The following SYN3 variants were observed in gnomAD, a reference collection of about 807,000 sequenced individuals.
The protein encoded by SYN3 is synapsin III.
Under a neutral mutation model 65.8 loss-of-function variants are expected in SYN3, and 35 were observed. The ratio of observed to expected loss-of-function variants is 0.53; its 90% CI spans 0.41 to 0.70. SYN3 has a LOEUF of 0.70. SYN3 is among the 30% of genes least tolerant of loss of function. SYN3 has a pLI of 0.00. For synonymous variants in SYN3, 270 were observed against 292.9 expected (o/e 0.92, Z 0.80); for missense variants, 680 against 749.0 (o/e 0.91, Z 1.08).
intron 4 of SYN3, among the ~76,000 whole-genome samples, chr22:32,915,453 A>G (rs1207230988): frequency 1.3e-5 from 2 of 151,958 alleles, no homozygotes; most frequent in African/African-American, 2.4e-5. Flanking sequence ...GGGCTGTTAA[A>G]AAATAAAGCA....
intron 7 of SYN3, among the ~76,000 whole-genome samples, chr22:32,590,079 C>A (rs1220464533): frequency 6.6e-6 from 1 of 151,960 alleles, no homozygotes; most frequent in Non-Finnish European, 1.5e-5. Context: ...AAGCAAATAC[C>A]CACATAACCA....
At chr22:32,720,384 T>G (rs1177464568) in intron 6 of SYN3, among the ~76,000 whole-genome samples, 2 of 152,116 alleles carry the variant, frequency 1.3e-5, no homozygotes, top group Admixed American at 6.5e-5. Flanking sequence ...TGCCATGAGG[T>G]TGATGTTATT....
At chr22:32,709,701 T>C (rs1354998063) in intron 6 of SYN3, among the ~76,000 whole-genome samples, 1 of 152,166 alleles carries the variant, frequency 6.6e-6, no homozygotes, top group Admixed American at 6.5e-5. Flanking sequence ...TTTTTCTTTT[T>C]TTTTCCCCCA....
At chr22:32,574,203 G>A (rs2058820117) in intron 7 of SYN3, among the ~76,000 whole-genome samples, 2 of 151,998 alleles carry the variant, frequency 1.3e-5, no homozygotes, top group Non-Finnish European at 2.9e-5. Context: ...ATCGTGAGCC[G>A]GGTACAGTGG....
At chr22:32,890,391 T>C (rs1425502211) in intron 4 of SYN3, among the ~76,000 whole-genome samples, 1 of 151,934 alleles carries the variant, frequency 6.6e-6, no homozygotes, top group Non-Finnish European at 1.5e-5. Flanking sequence ...AGCACCTTTT[T>C]TTTATTTGAG....
chr22:32,578,659 T>C (rs1484091422), intron 7 of SYN3, among the ~76,000 whole-genome samples: 2 of 152,204 alleles, frequency 1.3e-5, no homozygotes, highest in Non-Finnish European at 2.9e-5. Flanking sequence ...GATATCACAA[T>C]TCCTTGAACA....
intron 4 of SYN3, among the ~76,000 whole-genome samples, chr22:32,912,024 T>A (rs552613819): frequency 6.6e-6 from 1 of 152,344 alleles, no homozygotes; most frequent in South Asian, 2.1e-4. Flanking sequence ...CTCACATTTA[T>A]AAGATGTAGC....
In SYN3 at chr22:32,860,914, T is replaced by TG. The variant is rs980332256; in HGVS notation, c.711+4000_711+4001insC. The TG allele has an allele frequency of 3.7e-4, 10 of 27,226 alleles. No homozygotes were observed. The African/African-American group carries it at 5.1e-3, about 14-fold the overall frequency. 1.7% of individuals were successfully genotyped at this position (27,226 alleles called of 1,614,324 possible). A position where few individuals can be genotyped will look rare whatever the true frequency, so the allele number is the denominator to read the frequency against. On this transcript the variant is annotated intron_variant, in intron 6 of 13. Coordinates refer to ENST00000358763, the MANE Select transcript of SYN3 (RefSeq NM_003490.4). ...AACCAGTTGTAGGGTTTCTGTTGTGTTTTTTTTTTTTTTTTTGAAATAAAA... is the reference window on the plus strand; with the variant it reads ...AACCAGTTGTAGGGTTTCTGTTGTGTGTTTTTTTTTTTTTTTTGAAATAAAA...
chr22:32,627,622 A>AGTG (rs2059686713), intron 6 of SYN3, among the ~76,000 whole-genome samples: 3 of 152,086 alleles, frequency 2.0e-5, no homozygotes, highest in African/African-American at 7.2e-5. Flanking sequence ...TCATACACAC[A>AGTG]TGTAGGAGTA....
chr22:32,508,530 C>G lies in SYN3; in HGVS notation c.*5162G>C, dbSNP rs1473562830. Among the ~76,000 whole-genome samples the G allele has an allele frequency of 2.0e-5, 3 of 152,116 alleles. No individual in the cohort carries two copies. Among genetic ancestry groups the G allele is most frequent in the Non-Finnish European group, 4.4e-5 (3 of 68,016 alleles). ...GGGCCCCAAGGAGAGGTCTCATGTT[C>G]TCATTCTGCCTCCTCCCATTCCTCT... is the stretch of plus-strand genomic sequence containing the variant. On this transcript the variant is annotated 3_prime_UTR_variant, in exon 14 of 14. Transcript: ENST00000358763.
rs147311800 is a variant in SYN3 at position 32,822,458 on chromosome 22, T to G, written c.711+42457A>C. ...ACAGGCCACTAAGAGGAAAGGCAACTGGTGTGACGTCTGGGGAGGGAAGTA... is the reference window on the plus strand; with the variant it reads ...ACAGGCCACTAAGAGGAAAGGCAACGGGTGTGACGTCTGGGGAGGGAAGTA... On this transcript the variant is annotated intron_variant, in intron 6 of 13. Coordinates refer to ENST00000358763, the MANE Select transcript of SYN3 (RefSeq NM_003490.4). Among the ~76,000 whole-genome samples, 5 of 152,280 alleles carry G rather than the reference T, an allele frequency of 3.3e-5. No individual in the cohort carries two copies. In the East Asian group the frequency reaches 9.6e-4, roughly 29 times the overall value.
intron 6 of SYN3, among the ~76,000 whole-genome samples, chr22:32,768,429 T>G (rs932583538): frequency 6.6e-6 from 1 of 152,210 alleles, no homozygotes; most frequent in Non-Finnish European, 1.5e-5. Context: ...TCTCTTTATA[T>G]TTCTTTCCTG....
chr22:32,640,143 A>C (rs1259719161), intron 6 of SYN3, among the ~76,000 whole-genome samples: 1 of 152,142 alleles, frequency 6.6e-6, no homozygotes, highest in Non-Finnish European at 1.5e-5. Context: ...TACTGTCTTC[A>C]AGTCTCCACT....
chr22:32,928,886 C>A (rs715621), intron 4 of SYN3, among the ~76,000 whole-genome samples: 18,925 of 152,106 alleles, frequency 0.12, 1,513 homozygotes, highest in South Asian at 0.28. Context: ...TCAGCTGTAC[C>A]TTTCATTTCA....
chr22:32,610,605 A>G (rs1367792613), intron 6 of SYN3, among the ~76,000 whole-genome samples: 1 of 148,464 alleles, frequency 6.7e-6, no homozygotes, highest in Non-Finnish European at 1.5e-5. Context: ...GTTTTGAGAC[A>G]ACGTTTTGCT....
chr22:32,714,080 G>T lies in SYN3; in HGVS notation c.712-117344C>A, dbSNP rs149811483. 1.1e-4 allele frequency among the ~76,000 whole-genome samples: 16 copies of T among 152,258 alleles called. No homozygotes were observed. In the East Asian group the frequency reaches 3.1e-3, roughly 29 times the overall value. On this transcript the variant is annotated intron_variant, in intron 6 of 13. Transcript: ENST00000358763. Reference sequence around the variant, plus strand: ...GACAATGGTCTCCTTGCAAGGGGGAGCATCTTTTCCTGAATGCCTTTAGCT... The same window carrying T: ...GACAATGGTCTCCTTGCAAGGGGGATCATCTTTTCCTGAATGCCTTTAGCT...
At chr22:33,054,454 G>A (rs1008689689) in intron 1 of SYN3, among the ~76,000 whole-genome samples, 3 of 152,096 alleles carry the variant, frequency 2.0e-5, no homozygotes, top group East Asian at 1.9e-4. Context: ...CTAACAATGC[G>A]TGGCATTTAC....
chr22:32,889,329 G>C (rs967138722), intron 4 of SYN3, among the ~76,000 whole-genome samples: 1 of 152,018 alleles, frequency 6.6e-6, no homozygotes, highest in Admixed American at 6.6e-5. Context: ...CTTGCTTCAG[G>C]GGGGCTTTGG....
At chr22:32,912,783 T>C (rs2050085917) in intron 4 of SYN3, among the ~76,000 whole-genome samples, 1 of 152,046 alleles carries the variant, frequency 6.6e-6, no homozygotes, top group Non-Finnish European at 1.5e-5. Flanking sequence ...ACATGACATC[T>C]AGCAAAGGCA....
Sources: allele counts gnomAD v4.1 joint callset (sites outside exome capture counted in the v4.1 genomes callset), GRCh38; gene constraint gnomAD v4.1.1; transcripts MANE v1.5; gene names NCBI Gene and HGNC (gene_info 2026-07-23, HGNC 2026-07-21).